Variants in ZNF565 observed in about 807,000 individuals in gnomAD.
The protein encoded by ZNF565 is zinc finger protein 565.
ZNF565 carries 27 observed loss-of-function variants against 39.4 expected under a neutral mutation model. The ratio of observed to expected loss-of-function variants is 0.69; its 90% confidence interval spans 0.51 to 0.95. ZNF565 has a LOEUF of 0.95. ZNF565 is among the 40% of genes least tolerant of loss of function. The probability of loss-of-function intolerance (pLI) is 0.00; values close to 1 mark genes in which losing one functional copy is unlikely to be tolerated. For synonymous variants in ZNF565, 185 were observed against 216.6 expected (o/e 0.85, Z 1.28); for missense variants, 524 against 621.1 (o/e 0.84, Z 1.66).
At position 36,202,070 on chromosome 19, in the gene ZNF565, G is replaced by A. The variant is rs771195760; in HGVS notation, c.-65-20C>T. 2.8e-6 allele frequency: 4 copies of A among 1,420,594 alleles called. No homozygotes were observed. The highest frequency in any genetic ancestry group is 2.3e-5 in the South Asian group (2 of 87,252). 88.0% of individuals were successfully genotyped at this position (1,420,594 alleles called of 1,614,324 possible). On this transcript the variant is annotated intron_variant, in intron 1 of 4. Transcript: ENST00000304116. ...AGAGTCCTGAAAAAGCAAAATGGGG[G>A]GAGATGGGGTAACCTCTGATAAACT...
chr19:36,245,555 A>G lies in ZNF565; in HGVS notation c.-25T>C, dbSNP rs2029891790. The G allele has an allele frequency of 1.4e-6, 1 of 702,108 alleles. No homozygotes were observed. The highest frequency in any genetic ancestry group is 2.0e-5 in the Admixed American group (1 of 49,974). The allele number at this position is 702,108 out of a possible 1,614,324, so 43.5% of individuals were successfully genotyped here. A position where few individuals can be genotyped will look rare whatever the true frequency, so the allele number is the denominator to read the frequency against. The stretch of plus-strand genomic sequence containing the variant: ...TTTAGGTGGTGGCTTGCTCTGGACT[A>G]CATTTCCCAGGGTCCACCGCGGATC... On this transcript the variant is annotated 5_prime_UTR_variant, in exon 1 of 5. Transcript: ENST00000355114. The surrounding 1 kb of genome is among the most constrained non-coding windows in gnomAD (Gnocchi z 4.4).
rs74172797 is a variant in ZNF565 at position 36,221,284 on chromosome 19, CT to C, written c.56-19235del. Among the ~76,000 whole-genome samples, 380 of 98,672 alleles carry C rather than the reference CT, an allele frequency of 3.9e-3. 1 individual carries two copies. The highest frequency in any genetic ancestry group is 0.02 in the East Asian group (67 of 3,428). 64.7% of individuals were successfully genotyped at this position (98,672 alleles called of 152,430 possible). ...TTGTTGTTTTCAGGTTAAGGGACTG[CT>C]TTTTTTTTTTTTTTTTTTTTTGAGA... On this transcript the variant is annotated intron_variant, in intron 1 of 4. Transcript: ENST00000355114.
In ZNF565 at chr19:36,245,849, G is replaced by A; in HGVS notation, c.-319C>T. 1 of 329,516 alleles carries A rather than the reference G, an allele frequency of 3.0e-6. No homozygotes were observed. The allele number at this position is 329,516 out of a possible 1,614,324, so 20.4% of individuals were successfully genotyped here. On this transcript the variant is annotated 5_prime_UTR_variant, in exon 1 of 5. Coordinates refer to the ZNF565 transcript ENST00000355114. The surrounding 1 kb of genome is among the most constrained non-coding windows in gnomAD (Gnocchi z 4.4). ...CGGGCCTCGGGCTACTGGATCCGCT[G>A]TCTCGGTTTGGGTGCGGGGCCTTGG... is the stretch of plus-strand genomic sequence containing the variant.
chr19:36,223,635 T>C (rs1976952419), intron 1 of ZNF565, among the ~76,000 whole-genome samples: 1 of 152,056 alleles, frequency 6.6e-6, no homozygotes, highest in African/African-American at 2.4e-5. Flanking sequence ...AGTGCTGGGA[T>C]TACAGGCGTG....
intron 1 of ZNF565, among the ~76,000 whole-genome samples, chr19:36,229,633 C>T (rs550072081): frequency 3.9e-5 from 6 of 152,180 alleles, no homozygotes; most frequent in African/African-American, 1.4e-4. Flanking sequence ...CCTAATTTTT[C>T]CTTTTCATAT....
intron 2 of ZNF565, 107 bp downstream of exon 2, chr19:36,201,870 A>C: frequency 7.4e-7 from 1 of 1,353,646 alleles, no homozygotes; most frequent in Non-Finnish European, 1.0e-6. Context: ...CCTGGAATGG[A>C]CCAACTGTGA....
upstream of ZNF565, among the ~76,000 whole-genome samples, chr19:36,219,516 T>A (rs1026328673): frequency 1.2e-4 from 18 of 152,306 alleles, no homozygotes; most frequent in East Asian, 3.9e-4. Flanking sequence ...ATTTTTTTTT[T>A]AATTCTAATT....
Position 36,182,299 on chromosome 19 carries a change from T to C in ZNF565, c.*167A>G, listed in dbSNP as rs1599903658. On this transcript the variant is annotated 3_prime_UTR_variant, in exon 5 of 5. Transcript: ENST00000304116. Reference sequence around the variant, plus strand: ...GAAACAGTGAGTGAGGCAAAAAGAATTCCCACATTTATTTAATTTTCTTTG... The same window carrying C: ...GAAACAGTGAGTGAGGCAAAAAGAACTCCCACATTTATTTAATTTTCTTTG... 3.7e-5 allele frequency: 19 copies of C among 513,680 alleles called. No individual in the cohort carries two copies. The East Asian group carries it at 5.8e-4, about 16-fold the overall frequency. 31.8% of individuals were successfully genotyped at this position (513,680 alleles called of 1,614,324 possible).
chr19:36,227,096 AT>A (rs60662850), intron 1 of ZNF565, among the ~76,000 whole-genome samples: 1,828 of 148,660 alleles, frequency 0.012, 34 homozygotes, highest in African/African-American at 0.042. Context: ...AAAAAAAAAA[AT>A]TTTTTTTTTG....
intron 1 of ZNF565, among the ~76,000 whole-genome samples, chr19:36,208,345 G>GCAAT (rs1207368733): frequency 6.6e-6 from 1 of 151,822 alleles, no homozygotes; most frequent in Non-Finnish European, 1.5e-5. Flanking sequence ...GAGACCACAG[G>GCAAT]CATGCCACTA....
intron 1 of ZNF565, among the ~76,000 whole-genome samples, chr19:36,222,486 C>G (rs946135843): frequency 4.6e-5 from 7 of 152,340 alleles, no homozygotes; most frequent in Admixed American, 4.6e-4. Flanking sequence ...TAAGTACTTA[C>G]ACTCCCACAA....
rs376913280 is a variant in ZNF565 at position 36,182,423 on chromosome 19, C to T, written c.*43G>A. 9.9e-5 allele frequency: 149 copies of T among 1,501,314 alleles called. No homozygotes were observed. The highest frequency in any genetic ancestry group is 1.8e-4 in the Middle Eastern group (1 of 5,602). 93.0% of individuals were successfully genotyped at this position (1,501,314 alleles called of 1,614,324 possible). Reference sequence around the variant, plus strand: ...TACCTAGTACTGAGCCAGATGTGAACTCCACATAAAGGCTTATCTTTATCC... The same window carrying T: ...TACCTAGTACTGAGCCAGATGTGAATTCCACATAAAGGCTTATCTTTATCC... On this transcript the variant is annotated 3_prime_UTR_variant, in exon 5 of 5. Coordinates refer to ENST00000304116, the MANE Select transcript of ZNF565 (RefSeq NM_152477.5).
intron 1 of ZNF565, among the ~76,000 whole-genome samples, chr19:36,232,959 A>T (rs1264632102): frequency 6.6e-6 from 1 of 151,822 alleles, no homozygotes; most frequent in Admixed American, 6.6e-5. Context: ...TCTCTTATGT[A>T]CCCCCCATGT....
At chr19:36,237,353 T>C (rs202080948) in intron 1 of ZNF565, 105 of 1,553,318 alleles carry the variant, frequency 6.8e-5, no homozygotes, top group Non-Finnish European at 8.8e-5. Context: ...TGGGAAAGCT[T>C]TCATTAGAAA....
chr19:36,238,238 G>T (rs1977715786), intron 1 of ZNF565: 2 of 167,082 alleles, frequency 1.2e-5, no homozygotes, highest in Non-Finnish European at 2.9e-5. Context: ...ATAGTACAAT[G>T]ACTTTTTTGT....
intron 4 of ZNF565, among the ~76,000 whole-genome samples, chr19:36,193,198 T>C: frequency 6.6e-6 from 1 of 151,764 alleles, no homozygotes; most frequent in Admixed American, 6.6e-5. Context: ...GGTTTCACCA[T>C]GGTCTCGATC....
chr19:36,225,321 A>G (rs1413663275), intron 1 of ZNF565, among the ~76,000 whole-genome samples: 1 of 152,196 alleles, frequency 6.6e-6, no homozygotes. Context: ...CAAATGGGAC[A>G]AAAATAAGAT....
chr19:36,182,440 T>C lies in ZNF565; in HGVS notation c.*26A>G. 6.5e-7 allele frequency: 1 copy of C among 1,529,996 alleles called. No individual in the cohort carries two copies. Among genetic ancestry groups the C allele is most frequent in the South Asian group, 1.3e-5 (1 of 76,650 alleles). The allele number at this position is 1,529,996 out of a possible 1,614,324, so 94.8% of individuals were successfully genotyped here. On this transcript the variant is annotated 3_prime_UTR_variant, in exon 5 of 5. Coordinates refer to ENST00000304116, the MANE Select transcript of ZNF565 (RefSeq NM_152477.5). The stretch of plus-strand genomic sequence containing the variant: ...GATGTGAACTCCACATAAAGGCTTA[T>C]CTTTATCCCTTACACTCAAGGCTTT...
At chr19:36,189,243 C>T (rs150281424) in intron 4 of ZNF565, among the ~76,000 whole-genome samples, 4,637 of 151,998 alleles carry the variant, frequency 0.031, 171 homozygotes, top group African/African-American at 0.093. Context: ...GAGCCGAGAT[C>T]GTGCTACTAC....
Sources: allele counts gnomAD v4.1 joint callset (sites outside exome capture counted in the v4.1 genomes callset), GRCh38; gene constraint gnomAD v4.1.1; non-coding constraint Gnocchi (gnomAD v3.1); transcripts MANE v1.5; gene names NCBI Gene and HGNC (gene_info 2026-07-23, HGNC 2026-07-21).